Variants in ZNF251 observed in about 807,000 individuals in gnomAD.
ZNF251 encodes the protein zinc finger protein 251.
In ZNF251, 14 loss-of-function variants were observed where a neutral mutation model predicts 13.5. The ratio of observed to expected loss-of-function variants is 1.04; its 90% confidence interval spans 0.69 to 1.63. The LOEUF is 1.63. ZNF251 is among the 40% of genes most tolerant of loss of function. The probability of loss-of-function intolerance (pLI) is 0.00; values close to 1 mark genes in which losing one functional copy is unlikely to be tolerated. For missense variants in ZNF251, 764 were observed against 834.9 expected (o/e 0.92, Z 1.05); for synonymous variants, 287 against 295.2 (o/e 0.97, Z 0.28).
chr8:144,736,263 G>A (rs546289169), intron 4 of ZNF251, among the ~76,000 whole-genome samples: 3 of 152,160 alleles, frequency 2.0e-5, no homozygotes, highest in African/African-American at 7.2e-5. Flanking sequence ...TGGGGACTTG[G>A]TGGTCCTCCA....
chr8:144,725,809 C>T (rs1001589942), intron 4 of ZNF251, among the ~76,000 whole-genome samples: 5 of 152,152 alleles, frequency 3.3e-5, no homozygotes, highest in Non-Finnish European at 7.4e-5. Flanking sequence ...TTCACAATGA[C>T]GGATGTAAAA....
At chr8:144,728,769 A>G (rs1402822263) in intron 4 of ZNF251, among the ~76,000 whole-genome samples, 1 of 151,990 alleles carries the variant, frequency 6.6e-6, no homozygotes, top group African/African-American at 2.4e-5. Context: ...TGCTCAACAC[A>G]AGGTCGTCAC....
At chr8:144,753,576 G>A in intron 4 of ZNF251, 107 bp downstream of exon 4, 1 of 795,158 alleles carries the variant, frequency 1.3e-6, no homozygotes, top group Admixed American at 2.3e-5. Context: ...ACTGCCCCTG[G>A]GGGAGGCCAT....
At chr8:144,742,118 C>T (rs967011445) in intron 4 of ZNF251, among the ~76,000 whole-genome samples, 16 of 151,842 alleles carry the variant, frequency 1.1e-4, no homozygotes, top group Non-Finnish European at 1.5e-4. Context: ...CGACACACCA[C>T]GAGCCAGTGA....
At chr8:144,750,342 G>C (rs1824636441) in intron 4 of ZNF251, among the ~76,000 whole-genome samples, 1 of 152,196 alleles carries the variant, frequency 6.6e-6, no homozygotes, top group South Asian at 2.1e-4. Flanking sequence ...GCAGGGCTCA[G>C]TCTTGCTGAG....
chr8:144,753,274 GAAA>G (rs11336657), intron 4 of ZNF251, among the ~76,000 whole-genome samples: 88 of 41,824 alleles, frequency 2.1e-3, no homozygotes, highest in Admixed American at 3.7e-3. Context: ...ATTCTGTCTC[GAAA>G]AAAAAAAAAA....
chr8:144,726,599 G>A (rs187694658), intron 4 of ZNF251, among the ~76,000 whole-genome samples: 16 of 151,784 alleles, frequency 1.1e-4, no homozygotes, highest in Admixed American at 3.9e-4. Context: ...GGTTGGGCGC[G>A]GTGGCTCACG....
At chr8:144,732,136 G>GT (rs1190401502) in intron 4 of ZNF251, among the ~76,000 whole-genome samples, 3 of 150,746 alleles carry the variant, frequency 2.0e-5, no homozygotes, top group Non-Finnish European at 1.5e-5. Flanking sequence ...TAAAGACGGA[G>GT]TTTACCATGT....
chr8:144,738,928 A>T (rs1345648021), intron 4 of ZNF251, among the ~76,000 whole-genome samples: 3 of 152,068 alleles, frequency 2.0e-5, no homozygotes, highest in Non-Finnish European at 2.9e-5. Flanking sequence ...GATCACAATA[A>T]ATGCAGGGTG....
rs754083691 is a variant in ZNF251 at position 144,721,388 on chromosome 8, T to A, written c.*256A>T. 1.5e-3 allele frequency: 626 copies of A among 408,988 alleles called. 7 individuals are homozygous for A. The highest frequency in any genetic ancestry group is 3.7e-3 in the Middle Eastern group (6 of 1,612). 25.3% of individuals were successfully genotyped at this position (408,988 alleles called of 1,614,324 possible). On this transcript the variant is annotated 3_prime_UTR_variant, in exon 5 of 5. Transcript: ENST00000292562. ...GCTCACTTTTCACGCCCTCCATCCA[T>A]TCGTCATGAGTATCCGGATACAGCA...
At position 144,753,617 on chromosome 8, in the gene ZNF251, C is replaced by T. The variant is rs756956326; in HGVS notation, c.277+66G>A. 17 of 1,348,302 alleles carry T rather than the reference C, an allele frequency of 1.3e-5. No homozygotes were observed. The South Asian group carries it at 1.6e-4, about 13-fold the overall frequency. The allele number at this position is 1,348,302 out of a possible 1,614,324, so 83.5% of individuals were successfully genotyped here. ...TGAACGCCATGCCCCAGCTGTCCCT[C>T]GCTTGGAGCCTCTTAAGGCAGGATT... On this transcript the variant is annotated intron_variant, in intron 4 of 4. Transcript: ENST00000292562.
At chr8:144,728,372 A>G (rs539304859) in intron 4 of ZNF251, among the ~76,000 whole-genome samples, 1 of 152,258 alleles carries the variant, frequency 6.6e-6, no homozygotes, top group Non-Finnish European at 1.5e-5. Context: ...GATATAAAAA[A>G]AAGGTTTGAG....
chr8:144,750,787 G>C (rs1824654456), intron 4 of ZNF251, among the ~76,000 whole-genome samples: 1 of 151,476 alleles, frequency 6.6e-6, no homozygotes, highest in African/African-American at 2.4e-5. Flanking sequence ...TTCCCTGGGA[G>C]ATTATTGCTC....
chr8:144,755,345 C>T, intron 1 of ZNF251, 60 bp downstream of exon 1: 1 of 1,285,520 alleles, frequency 7.8e-7, no homozygotes, highest in Non-Finnish European at 1.0e-6. Flanking sequence ...CGCGCCCTCC[C>T]CGCGCCCTCC....
chr8:144,755,402 C>T lies in ZNF251; in HGVS notation c.-76+3G>A. The T allele has an allele frequency of 7.8e-7, 1 of 1,288,390 alleles. No individual in the cohort carries two copies. The highest frequency in any genetic ancestry group is 1.2e-5 in the South Asian group (1 of 81,548). 79.8% of individuals were successfully genotyped at this position (1,288,390 alleles called of 1,614,324 possible). ...GCTCCTTCCTGGTCCGACACTGCCC[C>T]ACCTGTTTGCTCGACCCGGGGAAGC... On this transcript the variant is annotated splice_donor_region_variant and intron_variant, in intron 1 of 4. Coordinates refer to ENST00000292562, the MANE Select transcript of ZNF251 (RefSeq NM_138367.2).
chr8:144,754,831 C>A (rs749010826), intron 1 of ZNF251, 28 bp from the exon 2 acceptor site: 10 of 1,523,146 alleles, frequency 6.6e-6, no homozygotes, highest in Non-Finnish European at 7.0e-6. Flanking sequence ...CAGGCTCAGC[C>A]CCATTCAACC....
intron 4 of ZNF251, chr8:144,730,026 C>T (rs1221298074): frequency 2.0e-6 from 2 of 985,322 alleles, no homozygotes; most frequent in African/African-American, 3.5e-5. Context: ...GGTGCCCTCA[C>T]CCACCAACTC....
chr8:144,745,152 A>G (rs1824359586), intron 4 of ZNF251, among the ~76,000 whole-genome samples: 1 of 143,852 alleles, frequency 7.0e-6, no homozygotes, highest in Admixed American at 6.9e-5. Context: ...AATAAGACAC[A>G]TTTTAAGTTA....
chr8:144,721,783 A>T lies in ZNF251; in HGVS notation c.1877T>A (p.Val626Glu). Residue 626 changes from valine to glutamate, a missense_variant, in exon 5 of 5, where the codon GTG (valine) becomes GAG (glutamate). By Grantham distance (121) the Val-to-Glu change is moderately radical. Transcript: ENST00000292562. ...ACTCTGGCTGAAGGCTTTCCCATACACACTGCAATGACATGGTTTCTGACC... is the reference window on the plus strand; with the variant it reads ...ACTCTGGCTGAAGGCTTTCCCATACTCACTGCAATGACATGGTTTCTGACC... The part of the protein sequence containing the change: ...HTGQKPCHCS[V>E]YGKAFSQSSQ... The T allele has an allele frequency of 6.8e-7, 1 of 1,461,432 alleles. No individual in the cohort carries two copies. The highest frequency in any genetic ancestry group is 9.0e-7 in the Non-Finnish European group (1 of 1,105,452). 90.5% of individuals were successfully genotyped at this position (1,461,432 alleles called of 1,614,324 possible). A position where few individuals can be genotyped will look rare whatever the true frequency, so the allele number is the denominator to read the frequency against.
Sources: gnomAD v4.1 joint callset for allele counts (sites outside exome capture counted in the v4.1 genomes callset) on GRCh38, gnomAD v4.1.1 for gene constraint, MANE v1.5 for transcripts, NCBI Gene and HGNC (gene_info 2026-07-23, HGNC 2026-07-21) for gene names.